The following ATXN2 variants were observed in gnomAD, a reference collection of about 807,000 sequenced individuals.
ATXN2 encodes ataxin-2.
Under a neutral mutation model 138.6 loss-of-function variants are expected in ATXN2, and 37 were observed. The ratio of observed to expected loss-of-function variants is 0.27; its 90% CI spans 0.21 to 0.35. The LOEUF (loss-of-function observed/expected upper bound fraction) is 0.35. Among genes scored for constraint, ATXN2 ranks in the 10% least tolerant of loss-of-function variants. The probability of loss-of-function intolerance (pLI) is 1.00; values close to 1 mark genes in which losing one functional copy is unlikely to be tolerated. For synonymous variants in ATXN2, 549 were observed against 543.7 expected (o/e 1.01, Z -0.13); for missense variants, 1,216 against 1,480.3 (o/e 0.82, Z 2.93).
At chr12:111,494,433 T>TC (rs1878272292) in intron 14 of ATXN2, among the ~76,000 whole-genome samples, 1 of 150,924 alleles carries the variant, frequency 6.6e-6, no homozygotes, top group South Asian at 2.1e-4. Context: ...CTCTTTTTTT[T>TC]TTTTTTTTTT....
chr12:111,495,959 C>T (rs915067999), intron 14 of ATXN2, among the ~76,000 whole-genome samples: 6 of 146,084 alleles, frequency 4.1e-5, no homozygotes, highest in Admixed American at 3.4e-4. Flanking sequence ...CCCTGGGACA[C>T]ATCGCAAAGC....
chr12:111,519,373 CA>C (rs1880030863), intron 8 of ATXN2, among the ~76,000 whole-genome samples: 1 of 152,134 alleles, frequency 6.6e-6, no homozygotes, highest in Non-Finnish European at 1.5e-5. Context: ...CTGAGCTGGC[CA>C]AATTTTCTCA....
intron 18 of ATXN2, chr12:111,482,836 A>G (rs893362564): frequency 1.3e-5 from 2 of 151,196 alleles, no homozygotes; most frequent in East Asian, 3.8e-4. Flanking sequence ...CCAAGGCTAA[A>G]AAAAAAAAAA....
intron 14 of ATXN2, among the ~76,000 whole-genome samples, chr12:111,504,918 G>A (rs1169349463): frequency 6.6e-6 from 1 of 152,142 alleles, no homozygotes; most frequent in Non-Finnish European, 1.5e-5. Context: ...AGGGCTCTTG[G>A]ATCTTGCACA....
chr12:111,456,050 G>A lies in ATXN2; in HGVS notation c.3249C>T (p.Pro1083=). The A allele has an allele frequency of 6.2e-7, 1 of 1,614,226 alleles. No individual in the cohort carries two copies. Among genetic ancestry groups the A allele is most frequent in the Non-Finnish European group, 8.5e-7 (1 of 1,180,040 alleles). Residue 1083 remains proline (P), a synonymous_variant, in exon 23 of 25, where the codon CCC becomes CCT. Coordinates refer to ENST00000673436, the MANE Select transcript of ATXN2 (RefSeq NM_001372574.1). ...SHVQPAYTNP[P]HMAHVPQAHV... is the part of the protein sequence containing the mutation. Reference sequence around the variant, plus strand: ...TTACCTGAGGTACGTGGGCCATGTGGGGTGGGTTGGTATACGCCGGCTGAA... The same window carrying A: ...TTACCTGAGGTACGTGGGCCATGTGAGGTGGGTTGGTATACGCCGGCTGAA...
rs1443709565 is a variant in ATXN2, at chr12:111,516,261, C to T, written c.1268G>A (p.Arg423Gln). ...SLPPRAATPT[R>Q]PPSRPPSRPS... ...CCGCGAGGGGGGCCTGGAGGGCGGC[C>T]GTGTAGGGGTGGCTGCCCGAGGTGG... Residue 423 changes from arginine (R) to glutamine (Q), a missense_variant, in exon 10 of 25, where the codon CGG becomes CAG. This residue lies in a region of ATXN2 where 401 missense variants were observed against 528.1 expected (regional missense o/e 0.76). Transcript: ENST00000673436. The surrounding 1 kb of genome is among the most constrained non-coding windows in gnomAD (Gnocchi z 5.0). 6 of 1,565,976 alleles carry T rather than the reference C, an allele frequency of 3.8e-6. No individual in the cohort carries two copies. The highest frequency in any genetic ancestry group is 3.4e-4 in the Middle Eastern group (2 of 5,812).
intron 18 of ATXN2, among the ~76,000 whole-genome samples, chr12:111,481,807 G>C (rs1225314959): frequency 6.6e-6 from 1 of 151,908 alleles, no homozygotes; most frequent in South Asian, 2.1e-4. Context: ...GATTATAGGT[G>C]CACGCTACCA....
intron 1 of ATXN2, among the ~76,000 whole-genome samples, chr12:111,586,322 A>G (rs1237139787): frequency 1.3e-5 from 2 of 150,844 alleles, no homozygotes; most frequent in African/African-American, 4.9e-5. Flanking sequence ...CCCGGGTTCA[A>G]GCGATTCTCC....
At chr12:111,513,274 T>G in intron 11 of ATXN2, 83 bp downstream of exon 11, 1 of 1,477,640 alleles carries the variant, frequency 6.8e-7, no homozygotes, top group Non-Finnish European at 9.2e-7. Flanking sequence ...TTACACTTCC[T>G]CAAACAGAGT....
intron 1 of ATXN2, among the ~76,000 whole-genome samples, chr12:111,559,250 G>A (rs549863687): frequency 2.3e-4 from 35 of 151,148 alleles, no homozygotes; most frequent in African/African-American, 7.3e-4. Flanking sequence ...ACAGGTACGC[G>A]TCACCATGCC....
intron 20 of ATXN2, 140 bp from the exon 21 acceptor site, chr12:111,464,855 C>A: frequency 1.5e-6 from 1 of 650,436 alleles, no homozygotes; most frequent in South Asian, 2.0e-5. Context: ...GCACTTTAAA[C>A]ACTGCTACAG....
chr12:111,570,908 T>C (rs747321677), intron 1 of ATXN2, among the ~76,000 whole-genome samples: 8 of 152,236 alleles, frequency 5.3e-5, no homozygotes, highest in African/African-American at 9.6e-5. Context: ...ATTCATACTG[T>C]ACTACCCCAA....
In ATXN2 at chr12:111,599,301, AG is replaced by A; in HGVS notation, c.-268del. On this transcript the variant is annotated 5_prime_UTR_variant, in exon 1 of 25. Coordinates refer to ENST00000673436, the MANE Select transcript of ATXN2 (RefSeq NM_001372574.1). ...TTGCTACCAAAACAGTCTGAGGCGG[AG>A]GGAGGCGAGCTCTGCCGGGAGGGAG... 1 of 876,722 alleles carries A rather than the reference AG, an allele frequency of 1.1e-6. No individual in the cohort carries two copies. Among genetic ancestry groups the A allele is most frequent in the Non-Finnish European group, 1.3e-6 (1 of 782,294 alleles). The allele number at this position is 876,722 out of a possible 1,614,324, so 54.3% of individuals were successfully genotyped here. A position where few individuals can be genotyped will look rare whatever the true frequency, so the allele number is the denominator to read the frequency against.
intron 14 of ATXN2, among the ~76,000 whole-genome samples, chr12:111,496,575 TAAC>T (rs572136171): frequency 1.4e-4 from 22 of 151,848 alleles, no homozygotes; most frequent in Non-Finnish European, 2.9e-4. Flanking sequence ...TAACACTAGA[TAAC>T]AAGAGGAACT....
intron 14 of ATXN2, among the ~76,000 whole-genome samples, chr12:111,502,171 C>G (rs2135718436): frequency 6.6e-6 from 1 of 152,166 alleles, no homozygotes; most frequent in Non-Finnish European, 1.5e-5. Flanking sequence ...AAGATTCAGG[C>G]ATGAGCCACT....
intron 10 of ATXN2, among the ~76,000 whole-genome samples, chr12:111,515,408 A>G (rs918458919): frequency 2.0e-5 from 3 of 152,224 alleles, no homozygotes; most frequent in Non-Finnish European, 4.4e-5. Context: ...TTTCTACAAC[A>G]TATCCCTGTA....
chr12:111,582,530 C>T (rs1884067348), intron 1 of ATXN2, among the ~76,000 whole-genome samples: 1 of 151,934 alleles, frequency 6.6e-6, no homozygotes, highest in Admixed American at 6.6e-5. Flanking sequence ...ATCACTTGAA[C>T]CCAGGAGTTA....
At position 111,509,995 on chromosome 12, in the gene ATXN2, T is replaced by C; in HGVS notation, c.1760A>G (p.Lys587Arg). 6.3e-7 allele frequency: 1 copy of C among 1,594,936 alleles called. No individual in the cohort carries two copies. Among genetic ancestry groups the C allele is most frequent in the Non-Finnish European group, 8.5e-7 (1 of 1,172,260 alleles). The stretch of plus-strand genomic sequence containing the variant: ...CCTCTGATCTTGAAGCCTGGAATCT[T>C]TAGCTAGAAAACAATTTTTTAAAAA... ...NRAVTPSSEA[K>R]DSRLQDQRQN... is the part of the protein sequence containing the mutation. The change falls in exon 13 of 25, where the codon AAA becomes AGA. Residue 587 changes from lysine (K) to arginine (R), a missense_variant. By Grantham distance (26) the Lys-to-Arg change is conservative (BLOSUM62 2). Coordinates refer to ENST00000673436, the MANE Select transcript of ATXN2 (RefSeq NM_001372574.1).
At chr12:111,462,175 TTTAGA>T (rs1161016192) in intron 21 of ATXN2, among the ~76,000 whole-genome samples, 4 of 152,150 alleles carry the variant, frequency 2.6e-5, no homozygotes, top group South Asian at 2.1e-4. Context: ...CATAAAATCT[TTTAGA>T]TTAAAGATAA....
Sources: allele counts gnomAD v4.1 joint callset (sites outside exome capture counted in the v4.1 genomes callset), GRCh38; gene constraint gnomAD v4.1.1; regional missense constraint gnomAD v4.1.1; non-coding constraint Gnocchi (gnomAD v3.1); transcripts MANE v1.5; gene names NCBI Gene and HGNC (gene_info 2026-07-23, HGNC 2026-07-21).